CAPN9: variants seen among roughly 807,000 people sequenced by gnomAD.
CAPN9 encodes the protein calpain-9.
In CAPN9, 81 loss-of-function variants were observed where a neutral mutation model predicts 92.8. The ratio of observed to expected loss-of-function variants is 0.87; its 90% confidence interval spans 0.73 to 1.05. The LOEUF is 1.05. CAPN9 is among the 50% of genes least tolerant of loss of function. The pLI, the probability that CAPN9 is intolerant of heterozygous loss-of-function variation, is 0.00. For synonymous variants in CAPN9, 304 were observed against 328.0 expected, an observed-to-expected ratio of 0.93 and a Z score of 0.79; for missense variants, 848 against 866.2, an observed-to-expected ratio of 0.98 and a Z score of 0.26.
chr1:230,755,950 G>T (rs28359599), intron 2 of CAPN9, among the ~76,000 whole-genome samples: 28,721 of 152,020 alleles, frequency 0.19, 2,863 homozygotes, highest in African/African-American at 0.24. Context: ...CAGCAATCCA[G>T]TCTCCCTCCT....
chr1:230,754,791 G>C (rs1665119389), intron 1 of CAPN9, among the ~76,000 whole-genome samples: 2 of 152,140 alleles, frequency 1.3e-5, no homozygotes, highest in Admixed American at 1.3e-4. Context: ...CTCCAGCCTG[G>C]GTGACACAGC....
In CAPN9 at chr1:230,769,250, C is replaced by G; in HGVS notation, c.776C>G (p.Thr259Arg). The G allele has an allele frequency of 6.2e-7, 1 of 1,613,514 alleles. No homozygotes were observed. Among genetic ancestry groups the G allele is most frequent in the South Asian group, 1.1e-5 (1 of 91,054 alleles). ...GLIKGHAYSVTGIDQVSFRGQ... is the reference protein window; with the variant it reads ...GLIKGHAYSVRGIDQVSFRGQ... ...ATTAAGGGTCATGCCTACAGTGTAA[C>G]GGGAATTGACCAGGTAGGCGACTTG... Residue 259 changes from threonine to arginine, a missense_variant, in exon 6 of 20, where the codon ACG (threonine) becomes AGG (arginine). Thr to Arg is a moderately conservative substitution (Grantham distance 71). Coordinates refer to ENST00000271971, the MANE Select transcript of CAPN9 (RefSeq NM_006615.3).
At chr1:230,773,397 A>T (rs1418801906) in intron 7 of CAPN9, among the ~76,000 whole-genome samples, 11 of 152,166 alleles carry the variant, frequency 7.2e-5, no homozygotes, top group Non-Finnish European at 2.9e-5. Context: ...ACGTTGTAAG[A>T]TGTGCAGTGC....
chr1:230,763,981 A>C (rs3790963), intron 4 of CAPN9, among the ~76,000 whole-genome samples: 35,668 of 152,158 alleles, frequency 0.23, 5,285 homozygotes, highest in Non-Finnish European at 0.34. Context: ...AAGGCAACAG[A>C]AACTGTGTGC....
chr1:230,776,818 C>A (rs561875551), intron 8 of CAPN9: 1 of 152,314 alleles, frequency 6.6e-6, no homozygotes, highest in Non-Finnish European at 1.5e-5. Context: ...TTCTAAAAAT[C>A]TTGACTCAGA....
intron 18 of CAPN9, among the ~76,000 whole-genome samples, chr1:230,796,517 C>T (rs1012216345): frequency 2.0e-5 from 3 of 151,986 alleles, no homozygotes; most frequent in Admixed American, 6.6e-5. Context: ...CCAGGAGAGC[C>T]GTAATTTCTG....
At chr1:230,790,716 G>A (rs527794974) in intron 14 of CAPN9, among the ~76,000 whole-genome samples, 10 of 152,268 alleles carry the variant, frequency 6.6e-5, no homozygotes, top group Admixed American at 3.9e-4. Flanking sequence ...CGAGACAGGC[G>A]GATCACCTAG....
chr1:230,756,234 T>C (rs939259206), intron 2 of CAPN9, among the ~76,000 whole-genome samples: 14 of 152,016 alleles, frequency 9.2e-5, no homozygotes, highest in African/African-American at 3.4e-4. Flanking sequence ...GCAACTGAGC[T>C]ATCCTAAACA....
chr1:230,772,534 T>G (rs1666454347), intron 7 of CAPN9, among the ~76,000 whole-genome samples: 1 of 152,138 alleles, frequency 6.6e-6, no homozygotes, highest in Non-Finnish European at 1.5e-5. Context: ...ACTATAGGAT[T>G]CTCTCTGATG....
chr1:230,798,991 A>G (rs570558668), intron 19 of CAPN9, among the ~76,000 whole-genome samples: 1 of 152,218 alleles, frequency 6.6e-6, no homozygotes, highest in South Asian at 2.1e-4. Flanking sequence ...GTTTCCTTCA[A>G]TGGTTCTGTA....
chr1:230,781,219 G>A (rs1653374525), intron 11 of CAPN9, among the ~76,000 whole-genome samples: 1 of 142,610 alleles, frequency 7.0e-6, no homozygotes, highest in Non-Finnish European at 1.5e-5. Flanking sequence ...ATCCCTTCTA[G>A]CTCTGCTCCC....
At chr1:230,773,386 C>T (rs963751947) in intron 7 of CAPN9, among the ~76,000 whole-genome samples, 3 of 152,194 alleles carry the variant, frequency 2.0e-5, no homozygotes, top group African/African-American at 7.2e-5. Flanking sequence ...GAGACTGCGT[C>T]ACGTTGTAAG....
At chr1:230,775,536 A>G (rs185184627) in intron 8 of CAPN9, among the ~76,000 whole-genome samples, 2 of 152,260 alleles carry the variant, frequency 1.3e-5, no homozygotes, top group East Asian at 3.9e-4. Context: ...CTGTGAGACC[A>G]CAAATTTCTG....
At chr1:230,794,931 G>A (rs535224410) in intron 17 of CAPN9, among the ~76,000 whole-genome samples, 52 of 152,264 alleles carry the variant, frequency 3.4e-4, no homozygotes, top group African/African-American at 1.2e-3. Context: ...CAGAAAGCAC[G>A]CCTGAGAGTC....
At position 230,780,596 on chromosome 1, in the gene CAPN9, G is replaced by C; in HGVS notation, c.1369G>C (p.Asp457His). The C allele has an allele frequency of 6.2e-7, 1 of 1,614,112 alleles. No homozygotes were observed. The highest frequency in any genetic ancestry group is 8.5e-7 in the Non-Finnish European group (1 of 1,180,014). ...GTTCATCAACCTGAGAGAAGTCTCC[G>C]ACCGGTTCAAGCTGCCCCCTGGGGA... ...KTFINLREVS[D>H]RFKLPPGEYI... The change falls in exon 11 of 20, where the codon GAC (aspartate) becomes CAC (histidine). Residue 457 changes from aspartate to histidine, a missense_variant. Physicochemically the swap from Asp to His is moderately conservative, Grantham distance 81. Coordinates refer to ENST00000271971, the MANE Select transcript of CAPN9 (RefSeq NM_006615.3).
chr1:230,769,689 C>T (rs4847015), intron 6 of CAPN9, among the ~76,000 whole-genome samples: 41,296 of 150,870 alleles, frequency 0.27, 6,105 homozygotes, highest in Non-Finnish European at 0.34. Context: ...ATCTACATCA[C>T]ACAGTTGACC....
chr1:230,777,212 G>A lies in CAPN9; in HGVS notation c.954-1761G>A, dbSNP rs892908270. On this transcript the variant is annotated intron_variant, in intron 8 of 19. Coordinates refer to ENST00000271971, the MANE Select transcript of CAPN9 (RefSeq NM_006615.3). ...AGAAGGTCTGGTGCAGACGGTGGGA[G>A]AAGCCGGGCAGAGGAAACTCGGAAA... Among the ~76,000 whole-genome samples, 22 of 152,294 alleles carry A rather than the reference G, an allele frequency of 1.4e-4. No individual in the cohort carries two copies. The East Asian group carries it at 4.1e-3, about 28-fold the overall frequency.
chr1:230,748,488 G>A (rs551250958), intron 1 of CAPN9, among the ~76,000 whole-genome samples: 1 of 152,278 alleles, frequency 6.6e-6, no homozygotes, highest in South Asian at 2.1e-4. Flanking sequence ...TACAAGGGAT[G>A]CTGGTCCTAC....
chr1:230,752,888 G>T (rs1664937051), intron 1 of CAPN9, among the ~76,000 whole-genome samples: 1 of 152,186 alleles, frequency 6.6e-6, no homozygotes, highest in African/African-American at 2.4e-5. Flanking sequence ...ATGCAGCCGT[G>T]AGAAGTTAAA....
Sources: allele counts gnomAD v4.1 joint callset (sites outside exome capture counted in the v4.1 genomes callset), GRCh38; gene constraint gnomAD v4.1.1; transcripts MANE v1.5; gene names NCBI Gene and HGNC (gene_info 2026-07-23, HGNC 2026-07-21).